DNMT3A: variants seen among roughly 807,000 people sequenced by gnomAD.
The protein encoded by DNMT3A is DNA (cytosine-5)-methyltransferase 3A.
A neutral mutation model predicts 117.6 loss-of-function variants in DNMT3A; 267 were observed. The observed-to-expected ratio is 2.27, with a 90% confidence interval of 2.05 to 2.51. The LOEUF (loss-of-function observed/expected upper bound fraction) is 2.51. Ranked by LOEUF, DNMT3A falls within the 30% of genes most tolerant of loss-of-function variation. The pLI is 0.00. For synonymous variants in DNMT3A, 432 were observed against 474.8 expected (o/e 0.91, Z 1.17); for missense variants, 1,029 against 1,260.2 (o/e 0.82, Z 2.78).
At chr2:25,244,040 C>T in intron 15 of DNMT3A, 58 bp from the exon 16 acceptor site, 1 of 1,563,360 alleles carries the variant, frequency 6.4e-7, no homozygotes, top group Non-Finnish European at 8.7e-7. Context: ...AGCTCCCACC[C>T]AGCGCTGGCC....
At chr2:25,235,882 G>T (rs986360421) in intron 21 of DNMT3A, 57 bp from the exon 22 acceptor site, 61 of 1,469,226 alleles carry the variant, frequency 4.2e-5, no homozygotes, top group Admixed American at 1.0e-4. Flanking sequence ...GCCAACACTG[G>T]TCATGCGTCT....
At chr2:25,341,981 G>C, upstream of DNMT3A, 3 of 921,910 alleles carry the variant, frequency 3.3e-6, no homozygotes, top group Non-Finnish European at 3.7e-6. Flanking sequence ...CCCTCCCTCC[G>C]CTCGCTGTCG....
Position 25,282,307 on chromosome 2 carries a change from C to A in DNMT3A, c.448+134G>T. 6.7e-6 allele frequency: 10 copies of A among 1,485,230 alleles called. No homozygotes were observed. In the South Asian group the frequency reaches 1.3e-4, roughly 20 times the overall value. 92.0% of individuals were successfully genotyped at this position (1,485,230 alleles called of 1,614,324 possible). On this transcript the variant is annotated intron_variant, in intron 4 of 22. Coordinates refer to ENST00000321117, the MANE Select transcript of DNMT3A (RefSeq NM_022552.5). The surrounding 1 kb of genome is among the most constrained non-coding windows in gnomAD (Gnocchi z 5.2). ...CTGCATCCAGCCAGTAGCCTCCAGG[C>A]CATAGCCTTGGCAAGCAGACCTTTA... is the stretch of plus-strand genomic sequence containing the variant.
intron 6 of DNMT3A, among the ~76,000 whole-genome samples, chr2:25,272,803 C>CTTTTT (rs1217338234): frequency 3.8e-5 from 5 of 130,698 alleles, no homozygotes; most frequent in Non-Finnish European, 6.6e-5. Flanking sequence ...TGCACTTTCT[C>CTTTTT]TTTTTTTTTT....
intron 6 of DNMT3A, among the ~76,000 whole-genome samples, chr2:25,250,502 C>G (rs547227540): frequency 5.3e-5 from 8 of 152,318 alleles, no homozygotes; most frequent in African/African-American, 1.7e-4. Flanking sequence ...GCTCATCGCT[C>G]CCTAGCCCCA....
At chr2:25,251,979 C>T (rs1221008773) in intron 6 of DNMT3A, 2 of 561,982 alleles carry the variant, frequency 3.6e-6, no homozygotes, top group African/African-American at 2.0e-5. Context: ...CTGGAGCCCT[C>T]GAGGAGTGGG....
At chr2:25,320,753 T>C (rs1421883416) in intron 1 of DNMT3A, among the ~76,000 whole-genome samples, 4 of 152,208 alleles carry the variant, frequency 2.6e-5, no homozygotes, top group African/African-American at 9.7e-5. Context: ...TTAACAAATA[T>C]ATGTGTGTGT....
In DNMT3A at chr2:25,241,659, GCAAT is replaced by G; in HGVS notation, c.1981_1984del (p.Ile661ProfsTer43). 6.2e-7 allele frequency: 1 copy of G among 1,614,100 alleles called. No individual in the cohort carries two copies. The highest frequency in any genetic ancestry group is 8.5e-7 in the Non-Finnish European group (1 of 1,179,994). On this transcript the variant is annotated frameshift_variant, in exon 17 of 23. Coordinates refer to ENST00000321117, the MANE Select transcript of DNMT3A (RefSeq NM_022552.5). LOFTEE classifies it high-confidence loss of function. ...GATGGAGTCCTCACACACCTCCGAG[GCAAT>G]GTAGCGGTCCACCTGAATGCCCAAG... is the stretch of plus-strand genomic sequence containing the variant.
intron 6 of DNMT3A, among the ~76,000 whole-genome samples, chr2:25,272,047 C>T: frequency 6.6e-6 from 1 of 152,132 alleles, no homozygotes; most frequent in East Asian, 1.9e-4. Context: ...AGTGCAGTGG[C>T]ACAATCTCGG....
chr2:25,315,140 C>T (rs1260633985), intron 1 of DNMT3A, among the ~76,000 whole-genome samples: 1 of 152,200 alleles, frequency 6.6e-6, no homozygotes, highest in Non-Finnish European at 1.5e-5. Context: ...CACACCCTTC[C>T]CCTTCCAGTT....
rs367556112 is a variant in DNMT3A, at chr2:25,254,933, T to C, written c.640-6681A>G. ...CTGTTCACTTTCTCTTGGCCACATA[T>C]TAGGTAGCTGTTCCCTCCGGCCGTC... On this transcript the variant is annotated intron_variant, in intron 6 of 22. Transcript: ENST00000321117. This position sits in a 1 kb window ranked among gnomAD's most constrained non-coding sequence, Gnocchi z 4.7. Among the ~76,000 whole-genome samples, 22 of 152,194 alleles carry C rather than the reference T, an allele frequency of 1.4e-4. No homozygotes were observed. The highest frequency in any genetic ancestry group is 4.1e-4 in the African/African-American group (17 of 41,456).
rs1214280542 is a variant in DNMT3A at position 25,233,407 on chromosome 2, T to G, written c.*872A>C. 4.3e-6 allele frequency: 1 copy of G among 233,640 alleles called. No homozygotes were observed. Among genetic ancestry groups the G allele is most frequent in the Non-Finnish European group, 8.5e-6 (1 of 118,022 alleles). The allele number at this position is 233,640 out of a possible 1,614,324, so 14.5% of individuals were successfully genotyped here. On this transcript the variant is annotated 3_prime_UTR_variant, in exon 23 of 23. Coordinates refer to ENST00000321117, the MANE Select transcript of DNMT3A (RefSeq NM_022552.5). Reference sequence around the variant, plus strand: ...TGATGTTTTTACTCATCTCGCTGTTTGAAAGCACCATTATGAAGTCGGGTT... The same window carrying G: ...TGATGTTTTTACTCATCTCGCTGTTGGAAAGCACCATTATGAAGTCGGGTT...
intron 6 of DNMT3A, among the ~76,000 whole-genome samples, chr2:25,271,643 GA>G (rs1351972777): frequency 6.6e-6 from 1 of 152,258 alleles, no homozygotes; most frequent in African/African-American, 2.4e-5. Context: ...CCCCTAGTCT[GA>G]AAATGAGATC....
chr2:25,290,567 C>T (rs1216258371), intron 3 of DNMT3A, among the ~76,000 whole-genome samples: 2 of 152,160 alleles, frequency 1.3e-5, no homozygotes, highest in Admixed American at 6.5e-5. Context: ...GGTAATCCAC[C>T]CACCTCGGCC....
At chr2:25,274,427 G>A (rs1049961794) in intron 6 of DNMT3A, among the ~76,000 whole-genome samples, 1 of 152,198 alleles carries the variant, frequency 6.6e-6, no homozygotes, top group African/African-American at 2.4e-5. Context: ...AGCCCCGCCT[G>A]CCTCTCTGGC....
At chr2:25,271,127 C>T (rs1573395107) in intron 6 of DNMT3A, among the ~76,000 whole-genome samples, 1 of 152,228 alleles carries the variant, frequency 6.6e-6, no homozygotes, top group African/African-American at 2.4e-5. Context: ...GGCAGATCAC[C>T]TGAGGTCAAG....
chr2:25,310,263 C>A (rs1305419002), intron 2 of DNMT3A, among the ~76,000 whole-genome samples: 1 of 151,736 alleles, frequency 6.6e-6, no homozygotes, highest in Admixed American at 6.6e-5. Context: ...CTGTCCTGCT[C>A]CCTCTGCCCC....
chr2:25,316,873 A>G (rs899266735), intron 1 of DNMT3A, among the ~76,000 whole-genome samples: 15 of 34,650 alleles, frequency 4.3e-4, no homozygotes, highest in African/African-American at 3.0e-3. Flanking sequence ...GACCATGAAT[A>G]ATGTTTGTTA....
At chr2:25,291,430 A>C (rs2032757179) in intron 3 of DNMT3A, among the ~76,000 whole-genome samples, 1 of 152,198 alleles carries the variant, frequency 6.6e-6, no homozygotes, top group Non-Finnish European at 1.5e-5. Context: ...TGCCCACTCC[A>C]GGAGGGGCCA....
Sources: gnomAD v4.1 joint callset for allele counts (sites outside exome capture counted in the v4.1 genomes callset) on GRCh38, gnomAD v4.1.1 for gene constraint, Gnocchi (gnomAD v3.1) non-coding constraint, MANE v1.5 for transcripts, NCBI Gene and HGNC (gene_info 2026-07-23, HGNC 2026-07-21) for gene names.